DPP10: variants seen among roughly 807,000 people sequenced by gnomAD.
The protein encoded by DPP10 is inactive dipeptidyl peptidase 10.
DPP10 carries 33 observed loss-of-function variants against 120.9 expected under a neutral mutation model. That is an observed-to-expected ratio of 0.27 (90% confidence interval 0.21 to 0.37). The LOEUF (loss-of-function observed/expected upper bound fraction) is 0.37. Ranked by LOEUF, DPP10 falls within the 10% of genes least tolerant of loss-of-function variation. The pLI is 1.00. For missense variants in DPP10, 816 were observed against 942.8 expected (o/e 0.87, Z 1.76); for synonymous variants, 337 against 326.1 (o/e 1.03, Z -0.36).
intron 3 of DPP10, chr2:115,468,904 C>T: frequency 2.5e-6 from 1 of 400,442 alleles, no homozygotes; most frequent in Non-Finnish European, 4.8e-6. Context: ...TCTCAGGCCA[C>T]TGAATGGGTA....
At chr2:115,559,717 C>T (rs1008826571) in intron 5 of DPP10, among the ~76,000 whole-genome samples, 4 of 151,944 alleles carry the variant, frequency 2.6e-5, no homozygotes, top group African/African-American at 9.7e-5. Context: ...ATTGAGGACC[C>T]CTTTTAACTT....
At chr2:114,681,931 C>A (rs1699054234) in intron 1 of DPP10, among the ~76,000 whole-genome samples, 1 of 151,916 alleles carries the variant, frequency 6.6e-6, no homozygotes, top group Non-Finnish European at 1.5e-5. Flanking sequence ...TGTGTAATTT[C>A]CAGTGATGGA....
intron 1 of DPP10, among the ~76,000 whole-genome samples, chr2:114,850,151 G>T (rs1405268291): frequency 1.3e-5 from 2 of 151,560 alleles, no homozygotes; most frequent in African/African-American, 4.9e-5. Flanking sequence ...CTCCCAAGTA[G>T]CTGGGACTAT....
chr2:115,051,755 A>G (rs1705499594), intron 1 of DPP10, among the ~76,000 whole-genome samples: 2 of 152,170 alleles, frequency 1.3e-5, no homozygotes, highest in Admixed American at 1.3e-4. Flanking sequence ...GAGATGTAGC[A>G]TACAGCACAG....
intron 1 of DPP10, among the ~76,000 whole-genome samples, chr2:115,090,689 A>ATT (rs10650818): frequency 0.023 from 3,555 of 151,868 alleles, 97 homozygotes; most frequent in African/African-American, 0.069. Flanking sequence ...TTTCTGGACG[A>ATT]TTTTTTTGGT....
intron 15 of DPP10, 127 bp downstream of exon 15, chr2:115,777,961 A>G: frequency 1.2e-6 from 1 of 809,588 alleles, no homozygotes; most frequent in Non-Finnish European, 2.0e-6. Flanking sequence ...AACTTTGCTG[A>G]CAAAGCTTCA....
In DPP10 at chr2:115,108,915, TGCCCCTGCTGTATCAGATGTG is replaced by T. The variant is rs546934168; in HGVS notation, c.61-200300_61-200280del. On this transcript the variant is annotated intron_variant, in intron 1 of 25. Coordinates refer to ENST00000410059, the MANE Select transcript of DPP10 (RefSeq NM_020868.6). ...TGGAGGTATGGTGGAACTATGACAA[TGCCCCTGCTGTATCAGATGTG>T]GCCCCTGCTGTATCAGATGTGGCAC... Among the ~76,000 whole-genome samples the T allele has an allele frequency of 4.9e-4, 75 of 152,250 alleles. 1 individual carries two copies. Among genetic ancestry groups the T allele is most frequent in the African/African-American group, 1.2e-3 (48 of 41,572 alleles).
intron 1 of DPP10, among the ~76,000 whole-genome samples, chr2:115,107,661 C>T (rs2049018971): frequency 1.3e-5 from 2 of 151,858 alleles, no homozygotes; most frequent in African/African-American, 4.8e-5. Flanking sequence ...GTATCTTATG[C>T]ATTACCATCT....
chr2:114,930,365 A>G (rs1245225149), intron 1 of DPP10, among the ~76,000 whole-genome samples: 2 of 152,236 alleles, frequency 1.3e-5, no homozygotes, highest in Non-Finnish European at 2.9e-5. Context: ...AAGCAATTGA[A>G]AGCAGCCATG....
intron 5 of DPP10, among the ~76,000 whole-genome samples, chr2:115,626,693 A>C (rs577347086): frequency 6.6e-6 from 1 of 152,280 alleles, no homozygotes; most frequent in African/African-American, 2.4e-5. Context: ...AGAATGCTTT[A>C]GTGTTGGATT....
At chr2:115,380,225 C>T (rs1029851386) in intron 3 of DPP10, among the ~76,000 whole-genome samples, 15 of 152,232 alleles carry the variant, frequency 9.9e-5, no homozygotes, top group African/African-American at 2.2e-4. Flanking sequence ...GCTTTATGAA[C>T]ATGGGTGCTC....
intron 12 of DPP10, among the ~76,000 whole-genome samples, chr2:115,766,326 GTA>G (rs1553502949): frequency 6.0e-5 from 3 of 50,320 alleles, no homozygotes; most frequent in Middle Eastern, 0.018. Context: ...ATATATATAT[GTA>G]TATATATATG....
chr2:115,707,824 G>A (rs2092178978), intron 7 of DPP10, among the ~76,000 whole-genome samples: 2 of 151,598 alleles, frequency 1.3e-5, no homozygotes. Flanking sequence ...ATTACAATAG[G>A]TAAAACATTC....
intron 3 of DPP10, among the ~76,000 whole-genome samples, chr2:115,497,530 T>C (rs1217734955): frequency 1.3e-5 from 2 of 152,134 alleles, no homozygotes; most frequent in Non-Finnish European, 2.9e-5. Context: ...CAATGGAAAA[T>C]GGAAATTTAT....
At chr2:115,454,434 A>C (rs1180679702) in intron 3 of DPP10, among the ~76,000 whole-genome samples, 1 of 151,776 alleles carries the variant, frequency 6.6e-6, no homozygotes, top group East Asian at 1.9e-4. Flanking sequence ...TTTGTCATCT[A>C]AAAGTCAAAT....
chr2:115,488,880 TAAA>T (rs35020299), intron 3 of DPP10, among the ~76,000 whole-genome samples: 1,555 of 126,740 alleles, frequency 0.012, 21 homozygotes, highest in African/African-American at 0.042. Flanking sequence ...TAGAGTATAA[TAAA>T]AAAAAAAAAA....
intron 5 of DPP10, among the ~76,000 whole-genome samples, chr2:115,539,775 C>T (rs191500543): frequency 1.2e-4 from 18 of 150,518 alleles, no homozygotes; most frequent in Admixed American, 8.6e-4. Flanking sequence ...TTCAGAGAAC[C>T]GTAACAGTAA....
intron 11 of DPP10, among the ~76,000 whole-genome samples, chr2:115,759,077 C>T (rs1214753732): frequency 1.3e-5 from 2 of 152,038 alleles, no homozygotes; most frequent in East Asian, 1.9e-4. Flanking sequence ...AGAAACTTCT[C>T]ATCAAAGACA....
intron 1 of DPP10, among the ~76,000 whole-genome samples, chr2:114,603,977 G>A (rs1162953319): frequency 6.6e-6 from 1 of 152,016 alleles, no homozygotes; most frequent in African/African-American, 2.4e-5. Flanking sequence ...AGGTACATGG[G>A]GCAAAGTTTG....
Sources: gnomAD v4.1 joint callset for allele counts (sites outside exome capture counted in the v4.1 genomes callset) on GRCh38, gnomAD v4.1.1 for gene constraint, MANE v1.5 for transcripts, NCBI Gene and HGNC (gene_info 2026-07-23, HGNC 2026-07-21) for gene names.